Variants in TBC1D32 observed in about 807,000 individuals in gnomAD.
The protein encoded by TBC1D32 is protein broad-minded.
A neutral mutation model predicts 170.3 loss-of-function variants in TBC1D32; 151 were observed. That is an observed-to-expected ratio of 0.89 (90% CI 0.78 to 1.01). The LOEUF is 1.01. Among genes scored for constraint, TBC1D32 ranks in the 50% least tolerant of loss-of-function variants. TBC1D32 has a pLI of 0.00. For missense variants in TBC1D32, 1,464 were observed against 1,457.1 expected (o/e 1.00, Z -0.08); for synonymous variants, 498 against 488.0 (o/e 1.02, Z -0.27).
intron 25 of TBC1D32, among the ~76,000 whole-genome samples, chr6:121,128,948 T>C (rs1262000762): frequency 2.0e-5 from 3 of 152,142 alleles, no homozygotes; most frequent in Non-Finnish European, 2.9e-5. Flanking sequence ...ATTAGTGCCC[T>C]TATAATAGAG....
chr6:121,199,177 A>G (rs1267912474), intron 22 of TBC1D32, among the ~76,000 whole-genome samples: 1 of 151,464 alleles, frequency 6.6e-6, no homozygotes, highest in Non-Finnish European at 1.5e-5. Context: ...TTGTGGAGCA[A>G]CAATTATAAA....
intron 24 of TBC1D32, among the ~76,000 whole-genome samples, chr6:121,148,414 T>C (rs1298987677): frequency 2.0e-5 from 3 of 152,184 alleles, no homozygotes; most frequent in African/African-American, 7.2e-5. Flanking sequence ...GTTTCAAGTC[T>C]TTGCTATTGT....
chr6:121,097,281 T>A (rs180959288), intron 30 of TBC1D32, among the ~76,000 whole-genome samples: 6 of 151,902 alleles, frequency 3.9e-5, no homozygotes, highest in East Asian at 3.9e-4. Context: ...TGGGAAAAAA[T>A]TTTTGCAATC....
chr6:121,226,987 T>C (rs868243425), intron 20 of TBC1D32, among the ~76,000 whole-genome samples: 1 of 152,060 alleles, frequency 6.6e-6, no homozygotes, highest in Admixed American at 6.6e-5. Context: ...CTGGGCCACA[T>C]TGGAAGAAGA....
Position 121,322,508 on chromosome 6 carries a change from T to G in TBC1D32, c.156-714A>C, listed in dbSNP as rs186961656. On this transcript the variant is annotated intron_variant, in intron 1 of 31. Transcript: ENST00000398212. ...GATTGTCTTCTACAGCCTAAAATGT[T>G]ACCTTCTGATAAAAGCTTTCCTTGT... Among the ~76,000 whole-genome samples the G allele has an allele frequency of 5.9e-5, 9 of 152,344 alleles. No homozygotes were observed. In the East Asian group the frequency reaches 1.7e-3, roughly 29 times the overall value.
At chr6:121,228,334 C>T (rs1260881951) in intron 20 of TBC1D32, among the ~76,000 whole-genome samples, 1 of 151,938 alleles carries the variant, frequency 6.6e-6, no homozygotes, top group East Asian at 1.9e-4. Context: ...TCTTCTTTTT[C>T]TACTCCCTTT....
At chr6:121,175,659 C>G (rs1787665021) in intron 22 of TBC1D32, among the ~76,000 whole-genome samples, 1 of 152,028 alleles carries the variant, frequency 6.6e-6, no homozygotes, top group South Asian at 2.1e-4. Flanking sequence ...TATTCCTTGT[C>G]CCCCAAAACA....
intron 21 of TBC1D32, among the ~76,000 whole-genome samples, chr6:121,205,978 G>T (rs1329778965): frequency 6.6e-6 from 1 of 152,118 alleles, no homozygotes; most frequent in South Asian, 2.1e-4. Context: ...TTGGGAGGCC[G>T]AGGTGGGCAG....
intron 1 of TBC1D32, among the ~76,000 whole-genome samples, chr6:121,323,671 G>A (rs942062299): frequency 2.0e-5 from 3 of 152,232 alleles, no homozygotes; most frequent in Non-Finnish European, 2.9e-5. Context: ...GCCGGGTGCA[G>A]TGACTCACGC....
chr6:121,189,785 T>C (rs562198112), intron 22 of TBC1D32, among the ~76,000 whole-genome samples: 6 of 152,196 alleles, frequency 3.9e-5, no homozygotes, highest in Non-Finnish European at 7.4e-5. Context: ...CAGCTCATAC[T>C]AACCATACTG....
At chr6:121,094,178 T>A (rs146684060) in intron 30 of TBC1D32, among the ~76,000 whole-genome samples, 69 of 149,790 alleles carry the variant, frequency 4.6e-4, no homozygotes, top group African/African-American at 1.6e-3. Flanking sequence ...ACTTCTGTAT[T>A]TTTTTTTTTG....
At chr6:121,131,808 T>A in intron 24 of TBC1D32, 56 bp from the exon 25 acceptor site, 1 of 1,382,980 alleles carries the variant, frequency 7.2e-7, no homozygotes, top group Non-Finnish European at 9.9e-7. Flanking sequence ...TACTGAAAAA[T>A]TATTAATGTT....
intron 17 of TBC1D32, among the ~76,000 whole-genome samples, chr6:121,248,751 TAAGAAGAAACAGA>T (rs1030488875): frequency 1.3e-5 from 2 of 150,866 alleles, no homozygotes; most frequent in African/African-American, 4.9e-5. Context: ...TAGATTAAAT[TAAGAAGAAACAGA>T]AACCCTGAAC....
chr6:121,135,065 C>A (rs950293498), intron 24 of TBC1D32, among the ~76,000 whole-genome samples: 2 of 152,108 alleles, frequency 1.3e-5, no homozygotes, highest in Admixed American at 1.3e-4. Flanking sequence ...TCTATTCCTT[C>A]TTCCAGATTC....
intron 24 of TBC1D32, among the ~76,000 whole-genome samples, chr6:121,142,116 G>A (rs1782866382): frequency 6.6e-6 from 1 of 152,238 alleles, no homozygotes; most frequent in African/African-American, 2.4e-5. Flanking sequence ...AGCATCGCCA[G>A]CTTAGGGGGG....
chr6:121,197,611 G>A (rs948066851), intron 22 of TBC1D32, among the ~76,000 whole-genome samples: 1 of 152,142 alleles, frequency 6.6e-6, no homozygotes, highest in African/African-American at 2.4e-5. Context: ...TTAACTTCAT[G>A]TAATAGTATT....
At chr6:121,168,718 A>T (rs1474028063) in intron 22 of TBC1D32, among the ~76,000 whole-genome samples, 2 of 99,686 alleles carry the variant, frequency 2.0e-5, no homozygotes, top group African/African-American at 5.2e-5. Flanking sequence ...ATAATAAAAA[A>T]AAAAAAAAAA....
chr6:121,308,274 T>C (rs1252047274), intron 4 of TBC1D32, among the ~76,000 whole-genome samples, 173 bp from the exon 5 acceptor site: 2 of 152,080 alleles, frequency 1.3e-5, no homozygotes, highest in Non-Finnish European at 2.9e-5. Flanking sequence ...TTAAACTAAG[T>C]GCTAAGCAGA....
chr6:121,152,797 A>G (rs1046428671), intron 24 of TBC1D32, among the ~76,000 whole-genome samples: 2 of 151,970 alleles, frequency 1.3e-5, no homozygotes, highest in Admixed American at 1.3e-4. Context: ...TGATTTGGCT[A>G]CTGATACTTG....
Sources: allele counts gnomAD v4.1 joint callset (sites outside exome capture counted in the v4.1 genomes callset), GRCh38; gene constraint gnomAD v4.1.1; transcripts MANE v1.5; gene names NCBI Gene and HGNC (gene_info 2026-07-23, HGNC 2026-07-21).